Variants in ARHGEF12 observed in about 807,000 individuals in gnomAD.
The protein encoded by ARHGEF12 is Rho guanine nucleotide exchange factor 12.
In ARHGEF12, 66 loss-of-function variants were observed where a neutral mutation model predicts 211.2. The ratio of observed to expected loss-of-function variants is 0.31; its 90% CI spans 0.26 to 0.38. The LOEUF (loss-of-function observed/expected upper bound fraction) is 0.38, where lower values mean the gene tolerates loss of function less well. Among genes scored for constraint, ARHGEF12 ranks in the 10% least tolerant of loss-of-function variants. The probability of loss-of-function intolerance (pLI) is 1.00; values close to 1 mark genes in which losing one functional copy is unlikely to be tolerated. For missense variants in ARHGEF12, 1,429 were observed against 1,869.5 expected, an observed-to-expected ratio of 0.76 and a Z score of 4.34; for synonymous variants, 592 against 638.4, an observed-to-expected ratio of 0.93 and a Z score of 1.09.
intron 15 of ARHGEF12, among the ~76,000 whole-genome samples, chr11:120,442,512 G>T (rs756354931): frequency 6.6e-6 from 1 of 151,418 alleles, no homozygotes; most frequent in Non-Finnish European, 1.5e-5. Context: ...TGCATAATTA[G>T]AGTGAGGAAA....
chr11:120,354,057 T>G (rs953202727), intron 1 of ARHGEF12, among the ~76,000 whole-genome samples: 1 of 151,992 alleles, frequency 6.6e-6, no homozygotes, highest in Non-Finnish European at 1.5e-5. Flanking sequence ...AGGGGCTGCC[T>G]CTGATCTCCT....
chr11:120,445,446 G>A lies in ARHGEF12; in HGVS notation c.1327G>A (p.Glu443Lys), dbSNP rs1435232059. The A allele has an allele frequency of 1.9e-6, 3 of 1,614,034 alleles. No homozygotes were observed. Among genetic ancestry groups the A allele is most frequent in the Non-Finnish European group, 2.5e-6 (3 of 1,179,998 alleles). The change falls in exon 16 of 41, where the codon GAA (glutamate) becomes AAA (lysine). Residue 443 changes from glutamate to lysine, a missense_variant. This residue lies in a region of ARHGEF12 where 373 missense variants were observed against 467.5 expected (regional missense o/e 0.80). Transcript: ENST00000397843. ...GCACCTGAAAGTTTCTGTTCCTGAT[G>A]AAATGTCTGCAGATCTAGGTAAGCT... ...SAHLKVSVPD[E>K]MSADLEKRRP...
chr11:120,336,994 A>G lies in ARHGEF12; in HGVS notation c.-250A>G. The G allele has an allele frequency of 1.9e-6, 1 of 521,686 alleles. No homozygotes were observed. Among genetic ancestry groups the G allele is most frequent in the Non-Finnish European group, 3.4e-6 (1 of 293,914 alleles). The allele number at this position is 521,686 out of a possible 1,614,324, so 32.3% of individuals were successfully genotyped here. A position where few individuals can be genotyped will look rare whatever the true frequency, so the allele number is the denominator to read the frequency against. On this transcript the variant is annotated 5_prime_UTR_variant, in exon 1 of 41. Coordinates refer to ENST00000397843, the MANE Select transcript of ARHGEF12 (RefSeq NM_015313.3). Reference sequence around the variant, plus strand: ...TGTGCCTTCTGGAGGATTTCTCTCTAGCTCGACTCACTCTGGACTGACTCG... The same window carrying G: ...TGTGCCTTCTGGAGGATTTCTCTCTGGCTCGACTCACTCTGGACTGACTCG...
chr11:120,446,310 A>G (rs1946046265), intron 16 of ARHGEF12, 93 bp from the exon 17 acceptor site: 1 of 830,084 alleles, frequency 1.2e-6, no homozygotes, highest in South Asian at 2.6e-5. Flanking sequence ...GGCATATTCT[A>G]AGTTAATTTG....
chr11:120,452,352 T>C (rs972217019), intron 22 of ARHGEF12, among the ~76,000 whole-genome samples: 3 of 152,104 alleles, frequency 2.0e-5, no homozygotes, highest in Non-Finnish European at 2.9e-5. Context: ...AAGAAAGATA[T>C]GAAGCAATCG....
intron 5 of ARHGEF12, among the ~76,000 whole-genome samples, chr11:120,421,294 G>A (rs1945177918): frequency 1.3e-5 from 2 of 152,024 alleles, no homozygotes; most frequent in Non-Finnish European, 2.9e-5. Flanking sequence ...TAATTTTGAG[G>A]TAGACAATTT....
At chr11:120,360,114 G>A (rs1421632755) in intron 1 of ARHGEF12, among the ~76,000 whole-genome samples, 1 of 152,136 alleles carries the variant, frequency 6.6e-6, no homozygotes, top group Non-Finnish European at 1.5e-5. Context: ...TTTTAGGGGT[G>A]TGGTGGTAGA....
At chr11:120,427,909 GT>G (rs910250373) in intron 7 of ARHGEF12, among the ~76,000 whole-genome samples, 159 bp from the exon 8 acceptor site, 2 of 151,306 alleles carry the variant, frequency 1.3e-5, no homozygotes, top group Non-Finnish European at 2.9e-5. Flanking sequence ...TGACAAATTA[GT>G]TTTTTTTTCT....
chr11:120,405,610 C>T (rs956742564), intron 1 of ARHGEF12, among the ~76,000 whole-genome samples: 14 of 152,112 alleles, frequency 9.2e-5, no homozygotes, highest in Admixed American at 6.5e-5. Flanking sequence ...GTGCAGTAAT[C>T]AACACCCAGA....
chr11:120,383,201 A>G (rs1943927190), intron 1 of ARHGEF12, among the ~76,000 whole-genome samples: 1 of 151,586 alleles, frequency 6.6e-6, no homozygotes, highest in African/African-American at 2.4e-5. Flanking sequence ...CAGCGTTTGG[A>G]GTGCATTCTG....
In ARHGEF12 at chr11:120,478,366, G is replaced by C; in HGVS notation, c.3743G>C (p.Trp1248Ser). ...CACCTGCCTGTCTCAGAAGAACGGT[G>C]GGCATTGGATGCACTAAGAAATTGT... ...DSHLPVSEER[W>S]ALDALRNLGL... Residue 1248 changes from tryptophan (W) to serine (S), a missense_variant, in exon 37 of 41, where the codon TGG becomes TCG. By Grantham distance (177) the Trp-to-Ser change is radical. Around this residue, in one of 7 missense-constraint regions of ARHGEF12, gnomAD observed 467 missense variants for 468.4 expected, o/e 1.00. Transcript: ENST00000397843. 2 of 1,614,094 alleles carry C rather than the reference G, an allele frequency of 1.2e-6. No individual in the cohort carries two copies. Among genetic ancestry groups the C allele is most frequent in the Non-Finnish European group, 1.7e-6 (2 of 1,180,000 alleles).
chr11:120,431,978 A>AT (rs1207244092), intron 11 of ARHGEF12, 67 bp downstream of exon 11: 6 of 1,429,616 alleles, frequency 4.2e-6, no homozygotes, highest in African/African-American at 1.4e-5. Flanking sequence ...TCTAGATTTG[A>AT]TTTTAAGTGA....
Position 120,486,067 on chromosome 11 carries a change from G to C in ARHGEF12, c.*990G>C. 1 of 233,358 alleles carries C rather than the reference G, an allele frequency of 4.3e-6. No homozygotes were observed. The highest frequency in any genetic ancestry group is 8.5e-6 in the Non-Finnish European group (1 of 117,938). 14.5% of individuals were successfully genotyped at this position (233,358 alleles called of 1,614,324 possible). A position where few individuals can be genotyped will look rare whatever the true frequency, so the allele number is the denominator to read the frequency against. On this transcript the variant is annotated 3_prime_UTR_variant, in exon 41 of 41. Transcript: ENST00000397843. ...GGAAATGCTTCGGATAGTGGCAGGGGTGGGGGTTGCTAAGGAAAGGGTGGG... is the reference window on the plus strand; with the variant it reads ...GGAAATGCTTCGGATAGTGGCAGGGCTGGGGGTTGCTAAGGAAAGGGTGGG...
intron 1 of ARHGEF12, among the ~76,000 whole-genome samples, chr11:120,351,455 A>ATT (rs1174506359): frequency 3.5e-4 from 2 of 5,736 alleles, no homozygotes; most frequent in Non-Finnish European, 6.0e-4. Flanking sequence ...ATATATATAT[A>ATT]TTTTTTTTTT....
At chr11:120,368,224 A>G (rs549862297) in intron 1 of ARHGEF12, among the ~76,000 whole-genome samples, 131 of 152,260 alleles carry the variant, frequency 8.6e-4, no homozygotes, top group African/African-American at 3.1e-3. Flanking sequence ...TATCTCCATG[A>G]TAACAACATC....
chr11:120,381,751 T>C (rs1273159394), intron 1 of ARHGEF12, among the ~76,000 whole-genome samples: 2 of 152,196 alleles, frequency 1.3e-5, no homozygotes, highest in Non-Finnish European at 2.9e-5. Flanking sequence ...ACCACCCTAA[T>C]GTACAGCGCA....
At chr11:120,448,715 T>A in intron 20 of ARHGEF12, 1 of 279,366 alleles carries the variant, frequency 3.6e-6, no homozygotes, top group East Asian at 7.8e-5. Context: ...ATTATTTGTG[T>A]TTTTGTTTAG....
intron 31 of ARHGEF12, among the ~76,000 whole-genome samples, chr11:120,473,937 T>C (rs1946951623): frequency 6.6e-6 from 1 of 152,218 alleles, no homozygotes; most frequent in Admixed American, 6.5e-5. Context: ...GGCAGATTTA[T>C]TTGGTGGCTG....
chr11:120,346,526 A>G (rs186017351), intron 1 of ARHGEF12, among the ~76,000 whole-genome samples: 2 of 152,358 alleles, frequency 1.3e-5, no homozygotes, highest in Admixed American at 1.3e-4. Flanking sequence ...CAGTGGGGTA[A>G]GGATGTATAG....
Sources: allele counts gnomAD v4.1 joint callset (sites outside exome capture counted in the v4.1 genomes callset), GRCh38; gene constraint gnomAD v4.1.1; regional missense constraint gnomAD v4.1.1; transcripts MANE v1.5; gene names NCBI Gene and HGNC (gene_info 2026-07-23, HGNC 2026-07-21).